FOXK1: variants seen among roughly 807,000 people sequenced by gnomAD.
The protein encoded by FOXK1 is forkhead box K1, also known as forkhead box protein K1.
In FOXK1, 19 loss-of-function variants were observed where a neutral mutation model predicts 51.9. The ratio of observed to expected loss-of-function variants is 0.37; its 90% CI spans 0.26 to 0.54. The LOEUF (loss-of-function observed/expected upper bound fraction) is 0.54. Among genes scored for constraint, FOXK1 ranks in the 20% least tolerant of loss-of-function variants. The pLI is 0.87. For missense variants in FOXK1, 870 were observed against 1,032.7 expected, an observed-to-expected ratio of 0.84 and a Z score of 2.16; for synonymous variants, 537 against 482.6, an observed-to-expected ratio of 1.11 and a Z score of -1.48.
At position 4,757,140 on chromosome 7, in the gene FOXK1, G is replaced by GAGGGGTGTCTC. The variant is rs1469364629; in HGVS notation, c.1198_1208dup (p.Cys404GlyfsTer27). On this transcript the variant is annotated frameshift_variant, in exon 5 of 9. Transcript: ENST00000328914. LOFTEE classifies it high-confidence loss of function. ...AACAGGCATTCCGGAAACGGAGGCA[G>GAGGGGTGTCTC]AGGGGTGTCTCCTGCTTCCGCACCC... 1 of 1,612,988 alleles carries GAGGGGTGTCTC rather than the reference G, an allele frequency of 6.2e-7. No homozygotes were observed. The highest frequency in any genetic ancestry group is 8.5e-7 in the Non-Finnish European group (1 of 1,179,898).
intron 1 of FOXK1, among the ~76,000 whole-genome samples, chr7:4,698,623 G>A (rs1275534054): frequency 6.6e-6 from 1 of 152,122 alleles, no homozygotes; most frequent in East Asian, 1.9e-4. Flanking sequence ...CACAGTCATA[G>A]CTCACTGCAG....
At chr7:4,732,676 C>G (rs747560046) in intron 1 of FOXK1, among the ~76,000 whole-genome samples, 1 of 152,172 alleles carries the variant, frequency 6.6e-6, no homozygotes, top group South Asian at 2.1e-4. Flanking sequence ...GTCCTCAGGT[C>G]TCACTTCGCA....
At chr7:4,757,650 A>AT (rs1300219036) in intron 5 of FOXK1, among the ~76,000 whole-genome samples, 1 of 150,008 alleles carries the variant, frequency 6.7e-6, no homozygotes, top group Non-Finnish European at 1.5e-5. Flanking sequence ...AAAAAAAAAA[A>AT]AAAAAAAAAA....
chr7:4,760,301 G>A (rs1264607188), intron 7 of FOXK1, among the ~76,000 whole-genome samples: 3 of 152,190 alleles, frequency 2.0e-5, no homozygotes, highest in Admixed American at 6.5e-5. Flanking sequence ...CCCAGGGCTT[G>A]ACGGGGTAGA....
chr7:4,701,062 G>T (rs1485724726), intron 1 of FOXK1, among the ~76,000 whole-genome samples: 1 of 152,228 alleles, frequency 6.6e-6, no homozygotes, highest in African/African-American at 2.4e-5. Flanking sequence ...GCCCCAGCCT[G>T]TTCCAGCAGG....
In FOXK1 at chr7:4,749,746, T is replaced by C. The variant is rs151001454; in HGVS notation, c.747-4713T>C. 7.4e-3 allele frequency among the ~76,000 whole-genome samples: 1,131 copies of C among 152,310 alleles called. 19 individuals carry two copies. Among genetic ancestry groups the C allele is most frequent in the African/African-American group, 0.016 (679 of 41,580 alleles). On this transcript the variant is annotated intron_variant, in intron 2 of 8. Transcript: ENST00000328914. This position sits in a 1 kb window ranked among gnomAD's most constrained non-coding sequence, Gnocchi z 6.0. ...AGAGCCAAGGGCATTGAGGGTGGAC[T>C]GGAAGGACCGCAGCCCTGTGCCCTG...
rs190283295 is a variant in FOXK1, at chr7:4,707,667, G to T, written c.560+24799G>T. Among the ~76,000 whole-genome samples the T allele has an allele frequency of 6.4e-4, 96 of 151,042 alleles. No individual in the cohort carries two copies. The highest frequency in any genetic ancestry group is 6.8e-3 in the Middle Eastern group (2 of 294). On this transcript the variant is annotated intron_variant, in intron 1 of 8. Coordinates refer to ENST00000328914, the MANE Select transcript of FOXK1 (RefSeq NM_001037165.2). The surrounding 1 kb of genome is among the most constrained non-coding windows in gnomAD (Gnocchi z 4.1). The stretch of plus-strand genomic sequence containing the variant: ...TGCCATTCGTATCTGATTCATGCGT[G>T]TGCGACCAGTACTCCATTTCACTTT...
At position 4,682,836 on chromosome 7, in the gene FOXK1, A is replaced by G; in HGVS notation, c.528A>G (p.Arg176=). 4 of 1,564,744 alleles carry G rather than the reference A, an allele frequency of 2.6e-6. No individual in the cohort carries two copies. The highest frequency in any genetic ancestry group is 3.4e-6 in the Non-Finnish European group (4 of 1,161,192). ...NGVFVDGAFQ[R]RGAPALQLPK... ...TCTTCGTGGACGGGGCCTTCCAGAG[A>G]CGCGGCGCGCCCGCCCTGCAGCTGC... Residue 176 remains arginine (R), a synonymous_variant, in exon 1 of 9, where the codon AGA becomes AGG. Transcript: ENST00000328914. The surrounding 1 kb of genome is among the most constrained non-coding windows in gnomAD (Gnocchi z 7.6).
intron 7 of FOXK1, chr7:4,759,948 T>C (rs1780909690): frequency 3.1e-6 from 1 of 319,282 alleles, no homozygotes; most frequent in Admixed American, 4.8e-5. Flanking sequence ...GGAGAATCGC[T>C]TGAAGCCTGG....
rs1780320981 is a variant in FOXK1, at chr7:4,722,083, T to G, written c.561-18755T>G. 6.6e-6 allele frequency among the ~76,000 whole-genome samples: 1 copy of G among 152,124 alleles called. No homozygotes were observed. The highest frequency in any genetic ancestry group is 1.9e-4 in the East Asian group (1 of 5,178). ...ACCCATCCCAGCAGCCTCATGCCTG[T>G]GGGTGGGACGTGCTAGAGGAGGGGA... On this transcript the variant is annotated intron_variant, in intron 1 of 8. Transcript: ENST00000328914. This position sits in a 1 kb window ranked among gnomAD's most constrained non-coding sequence, Gnocchi z 5.1.
rs565608991 is a variant in FOXK1, at chr7:4,707,605, T to G, written c.560+24737T>G. On this transcript the variant is annotated intron_variant, in intron 1 of 8. Coordinates refer to ENST00000328914, the MANE Select transcript of FOXK1 (RefSeq NM_001037165.2). The surrounding 1 kb of genome is among the most constrained non-coding windows in gnomAD (Gnocchi z 4.1). ...CTTTCCGGGTTTTCCTGGAGAAGGC[T>G]GCCTCACTGGGTCTTTGCAGTTGGC... Among the ~76,000 whole-genome samples the G allele has an allele frequency of 3.3e-5, 5 of 152,170 alleles. No individual in the cohort carries two copies. The highest frequency in any genetic ancestry group is 7.4e-5 in the Non-Finnish European group (5 of 68,024).
At position 4,715,844 on chromosome 7, in the gene FOXK1, C is replaced by T. The variant is rs1319657403; in HGVS notation, c.561-24994C>T. 6.6e-6 allele frequency among the ~76,000 whole-genome samples: 1 copy of T among 152,196 alleles called. No individual in the cohort carries two copies. The highest frequency in any genetic ancestry group is 2.1e-4 in the South Asian group (1 of 4,830). On this transcript the variant is annotated intron_variant, in intron 1 of 8. Transcript: ENST00000328914. This position sits in a 1 kb window ranked among gnomAD's most constrained non-coding sequence, Gnocchi z 4.5. ...AGAAATGTAGGAAAAGCAAAACTCA[C>T]AAGACAATCCTTCCAGCCACTGGTC...
chr7:4,727,674 G>A (rs938595287), intron 1 of FOXK1, among the ~76,000 whole-genome samples: 1 of 152,210 alleles, frequency 6.6e-6, no homozygotes, highest in Non-Finnish European at 1.5e-5. Context: ...TGCTGAGGGC[G>A]GCCTGCTGTC....
chr7:4,698,427 C>T, intron 1 of FOXK1, among the ~76,000 whole-genome samples: 1 of 151,558 alleles, frequency 6.6e-6, no homozygotes, highest in East Asian at 1.9e-4. Flanking sequence ...ATATTTTATT[C>T]ACACCTACCC....
intron 1 of FOXK1, among the ~76,000 whole-genome samples, chr7:4,688,576 T>G (rs1278918867): frequency 1.3e-5 from 2 of 151,964 alleles, no homozygotes; most frequent in African/African-American, 4.8e-5. Flanking sequence ...TTAGTAGAGA[T>G]ATGGTTTCAC....
rs925056952 is a variant in FOXK1, at chr7:4,766,457, C to T, written c.*3993C>T. The T allele has an allele frequency of 2.6e-5, 4 of 152,260 alleles. No individual in the cohort carries two copies. Among genetic ancestry groups the T allele is most frequent in the Admixed American group, 1.3e-4 (2 of 15,290 alleles). 9.4% of individuals were successfully genotyped at this position (152,260 alleles called of 1,614,324 possible). On this transcript the variant is annotated 3_prime_UTR_variant, in exon 9 of 9. Coordinates refer to ENST00000328914, the MANE Select transcript of FOXK1 (RefSeq NM_001037165.2). The surrounding 1 kb of genome is among the most constrained non-coding windows in gnomAD (Gnocchi z 5.5). ...ACACCTGCCGCCCCTCACTTTCCTTCCCGAGGTCTGGTAGGTCCTCTTTGG... is the reference window on the plus strand; with the variant it reads ...ACACCTGCCGCCCCTCACTTTCCTTTCCGAGGTCTGGTAGGTCCTCTTTGG...
In FOXK1 at chr7:4,729,817, C is replaced by G. The variant is rs938808936; in HGVS notation, c.561-11021C>G. Among the ~76,000 whole-genome samples, 1 of 152,134 alleles carries G rather than the reference C, an allele frequency of 6.6e-6. No homozygotes were observed. The highest frequency in any genetic ancestry group is 2.4e-5 in the African/African-American group (1 of 41,430). ...CCAGCCTGGCCAACATGGTGAAACC[C>G]CATCTCTACTAACAATACAAAAACT... On this transcript the variant is annotated intron_variant, in intron 1 of 8. Transcript: ENST00000328914. This position sits in a 1 kb window ranked among gnomAD's most constrained non-coding sequence, Gnocchi z 6.2.
chr7:4,699,645 G>A (rs1223577390), intron 1 of FOXK1, among the ~76,000 whole-genome samples: 2 of 152,142 alleles, frequency 1.3e-5, no homozygotes, highest in African/African-American at 4.8e-5. Flanking sequence ...CGGGATTACA[G>A]GCATGAGCCA....
Position 4,748,326 on chromosome 7 carries a change from G to A in FOXK1, c.747-6133G>A, listed in dbSNP as rs1322427060. Among the ~76,000 whole-genome samples the A allele has an allele frequency of 6.6e-6, 1 of 152,140 alleles. No homozygotes were observed. Among genetic ancestry groups the A allele is most frequent in the African/African-American group, 2.4e-5 (1 of 41,432 alleles). ...ATGAGGTTCCTATATGGAAATTAAGGATTTAGCTTCCCCCCTCCCCATCCC... is the reference window on the plus strand; with the variant it reads ...ATGAGGTTCCTATATGGAAATTAAGAATTTAGCTTCCCCCCTCCCCATCCC... On this transcript the variant is annotated intron_variant, in intron 2 of 8. Transcript: ENST00000328914. This position sits in a 1 kb window ranked among gnomAD's most constrained non-coding sequence, Gnocchi z 4.9.
Sources: allele counts gnomAD v4.1 joint callset (sites outside exome capture counted in the v4.1 genomes callset), GRCh38; gene constraint gnomAD v4.1.1; non-coding constraint Gnocchi (gnomAD v3.1); transcripts MANE v1.5; gene names NCBI Gene and HGNC (gene_info 2026-07-23, HGNC 2026-07-21).